Variants in PPP1R11 observed in about 807,000 individuals in gnomAD.
The protein encoded by PPP1R11 is E3 ubiquitin-protein ligase PPP1R11.
Under a neutral mutation model 11.3 loss-of-function variants are expected in PPP1R11, and 10 were observed. The observed-to-expected ratio is 0.88, with a 90% CI of 0.55 to 1.50. The LOEUF (loss-of-function observed/expected upper bound fraction) is 1.50, where lower values mean the gene tolerates loss of function less well. PPP1R11 is among the 40% of genes most tolerant of loss of function. PPP1R11 has a pLI of 0.00. For synonymous variants in PPP1R11, 56 were observed against 62.3 expected (o/e 0.90, Z 0.48); for missense variants, 114 against 179.1 (o/e 0.64, Z 2.07).
upstream of PPP1R11, chr6:30,064,564 T>A: frequency 1.0e-6 from 1 of 964,346 alleles, no homozygotes; most frequent in South Asian, 1.6e-5. Flanking sequence ...CAGTCCTCAA[T>A]GATGTCATAA....
chr6:30,065,736 TCCA>T (rs1254277161), upstream of PPP1R11, among the ~76,000 whole-genome samples: 1 of 152,026 alleles, frequency 6.6e-6, no homozygotes, highest in Non-Finnish European at 1.5e-5. This position sits in a 1 kb window ranked among gnomAD's most constrained non-coding sequence, Gnocchi z 5.3. Context: ...GGAATCCTAC[TCCA>T]CAGAGATAAC....
the PPP1R11 span, chr6:30,061,337 A>T: frequency 1.6e-6 from 1 of 615,976 alleles, no homozygotes; most frequent in Non-Finnish European, 2.8e-6. The surrounding 1 kb of genome is among the most constrained non-coding windows in gnomAD (Gnocchi z 5.0). Flanking sequence ...CAAGTCCTTT[A>T]GTACCCGACG....
chr6:30,069,402 T>TC lies in PPP1R11; in HGVS notation c.*96_*97insC. 1 of 1,004,068 alleles carries TC rather than the reference T, an allele frequency of 1.0e-6. No homozygotes were observed. The highest frequency in any genetic ancestry group is 1.6e-5 in the African/African-American group (1 of 61,488). 62.2% of individuals were successfully genotyped at this position (1,004,068 alleles called of 1,614,324 possible). ...CCCTCCTTCCCTCTCTTCTGCCTGATAGAGGGAAGAGGAAGAGGAGGACGA... is the reference window on the plus strand; with the variant it reads ...CCCTCCTTCCCTCTCTTCTGCCTGATCAGAGGGAAGAGGAAGAGGAGGACGA... On this transcript the variant is annotated 3_prime_UTR_variant, in exon 3 of 3. Coordinates refer to ENST00000376772, the MANE Select transcript of PPP1R11 (RefSeq NM_021959.3). The surrounding 1 kb of genome is among the most constrained non-coding windows in gnomAD (Gnocchi z 6.6).
chr6:30,064,810 G>A, upstream of PPP1R11: 1 of 877,798 alleles, frequency 1.1e-6, no homozygotes, highest in Non-Finnish European at 1.8e-6. Context: ...TCCCAGAAGA[G>A]AATCAGATCA....
the PPP1R11 span, chr6:30,061,494 A>T: frequency 1.5e-5 from 24 of 1,609,832 alleles, no homozygotes; most frequent in Non-Finnish European, 2.0e-5. The surrounding 1 kb of genome is among the most constrained non-coding windows in gnomAD (Gnocchi z 5.0). Flanking sequence ...TTTGTTAATA[A>T]ACTTCCAACT....
In PPP1R11 at chr6:30,067,381, C is replaced by T; in HGVS notation, c.-30C>T. On this transcript the variant is annotated 5_prime_UTR_variant, in exon 1 of 3. Transcript: ENST00000376772. ...AGGGAAGGGTGTCTCATCCCCCTTCCTCCTCTCCTCCCTGTCCTGAGCCTT... is the reference window on the plus strand; with the variant it reads ...AGGGAAGGGTGTCTCATCCCCCTTCTTCCTCTCCTCCCTGTCCTGAGCCTT... 1.9e-6 allele frequency: 3 copies of T among 1,605,544 alleles called. No individual in the cohort carries two copies. The highest frequency in any genetic ancestry group is 2.6e-6 in the Non-Finnish European group (3 of 1,172,568).
chr6:30,064,635 C>T (rs1765363123), upstream of PPP1R11: 3 of 1,592,038 alleles, frequency 1.9e-6, no homozygotes, highest in African/African-American at 2.7e-5. Flanking sequence ...AGAAACTCAT[C>T]TTTTGGTGAA....
chr6:30,067,585 G>A, intron 1 of PPP1R11, 106 bp downstream of exon 1: 1 of 1,370,548 alleles, frequency 7.3e-7, no homozygotes, highest in South Asian at 1.2e-5. Context: ...AGGGATATGG[G>A]AGGTGTGGGG....
At chr6:30,061,475 CTT>C in the PPP1R11 span, 2 of 1,602,064 alleles carry the variant, frequency 1.2e-6, no homozygotes, top group South Asian at 1.1e-5. This position sits in a 1 kb window ranked among gnomAD's most constrained non-coding sequence, Gnocchi z 5.0. Context: ...GACAGGAACT[CTT>C]CTCTCTTTTG....
At chr6:30,062,111 C>T, upstream of PPP1R11, 1 of 1,462,010 alleles carries the variant, frequency 6.8e-7, no homozygotes, top group Non-Finnish European at 9.6e-7. Context: ...GTGCCCAATT[C>T]CAAGAGGGAA....
rs1396724754 is a variant in PPP1R11 at position 30,069,742 on chromosome 6, C to A, written c.*436C>A. ...CTTGCTAATCCTGGTTTAGAGCTAT[C>A]CCACTAAAATATTTAATCCTAATTC... On this transcript the variant is annotated 3_prime_UTR_variant, in exon 3 of 3. Transcript: ENST00000376772. This position sits in a 1 kb window ranked among gnomAD's most constrained non-coding sequence, Gnocchi z 6.6. 1 of 175,550 alleles carries A rather than the reference C, an allele frequency of 5.7e-6. No individual in the cohort carries two copies. The highest frequency in any genetic ancestry group is 2.4e-5 in the African/African-American group (1 of 42,296). 10.9% of individuals were successfully genotyped at this position (175,550 alleles called of 1,614,324 possible).
chr6:30,064,699 C>T, upstream of PPP1R11: 1 of 1,608,112 alleles, frequency 6.2e-7, no homozygotes, highest in Non-Finnish European at 8.5e-7. Flanking sequence ...GACTCTTGAC[C>T]TTTTTCCTGG....
At chr6:30,066,126 CA>C (rs1765504862), upstream of PPP1R11, among the ~76,000 whole-genome samples, 2 of 152,180 alleles carry the variant, frequency 1.3e-5, no homozygotes, top group African/African-American at 4.8e-5. Flanking sequence ...AAATCTGAAA[CA>C]AACCTGTTCA....
Position 30,069,189 on chromosome 6 carries a change from A to G in PPP1R11, c.264A>G (p.Thr88=). 6.2e-7 allele frequency: 1 copy of G among 1,612,752 alleles called. No homozygotes were observed. The highest frequency in any genetic ancestry group is 8.5e-7 in the Non-Finnish European group (1 of 1,179,798). Reference sequence around the variant, plus strand: ...AGGAAGAAGAGGGCTGTGGTCATACACACTGTGTACGTGGCCACCGCAAAG... The same window carrying G: ...AGGAAGAAGAGGGCTGTGGTCATACGCACTGTGTACGTGGCCACCGCAAAG... ...DEEEEEGCGH[T]HCVRGHRKGR... is the part of the protein sequence containing the mutation. The change falls in exon 3 of 3, where the codon ACA becomes ACG. Residue 88 remains threonine, a synonymous_variant. Transcript: ENST00000376772. The surrounding 1 kb of genome is among the most constrained non-coding windows in gnomAD (Gnocchi z 6.6).
chr6:30,061,600 G>A, the PPP1R11 span: 11 of 1,613,054 alleles, frequency 6.8e-6, no homozygotes, highest in Middle Eastern at 4.9e-4. The surrounding 1 kb of genome is among the most constrained non-coding windows in gnomAD (Gnocchi z 5.0). Context: ...TTGCGGCTCG[G>A]TCCTGCCTCT....
At position 30,068,573 on chromosome 6, in the gene PPP1R11, C is replaced by A; in HGVS notation, c.70-17C>A. 3 of 1,603,592 alleles carry A rather than the reference C, an allele frequency of 1.9e-6. No individual in the cohort carries two copies. The highest frequency in any genetic ancestry group is 2.6e-6 in the Non-Finnish European group (3 of 1,173,192). ...TAAGAGGGGACTAGATAGGTATGCTCATCCTTAACCTTCTAGGAGAACCGG... is the reference window on the plus strand; with the variant it reads ...TAAGAGGGGACTAGATAGGTATGCTAATCCTTAACCTTCTAGGAGAACCGG... On this transcript the variant is annotated splice_polypyrimidine_tract_variant and intron_variant, in intron 1 of 2. Coordinates refer to ENST00000376772, the MANE Select transcript of PPP1R11 (RefSeq NM_021959.3).
rs1341467534 is a variant in PPP1R11 at position 30,069,938 on chromosome 6, C to G, written c.*632C>G. 6.6e-6 allele frequency: 1 copy of G among 152,174 alleles called. No homozygotes were observed. The highest frequency in any genetic ancestry group is 1.5e-5 in the Non-Finnish European group (1 of 68,062). The allele number at this position is 152,174 out of a possible 1,614,324, so 9.4% of individuals were successfully genotyped here. A position where few individuals can be genotyped will look rare whatever the true frequency, so the allele number is the denominator to read the frequency against. ...AAATAATCATATCCTTTCTTCCCAC[C>G]CTTCTCCTGTTATTTAGGATTTCTG... On this transcript the variant is annotated 3_prime_UTR_variant, in exon 3 of 3. Transcript: ENST00000376772. This position sits in a 1 kb window ranked among gnomAD's most constrained non-coding sequence, Gnocchi z 6.6.
At chr6:30,066,140 T>C (rs974647740), upstream of PPP1R11, among the ~76,000 whole-genome samples, 12 of 152,160 alleles carry the variant, frequency 7.9e-5, no homozygotes, top group African/African-American at 2.4e-4. Context: ...CCTGTTCATG[T>C]TTCTACCCTA....
At chr6:30,067,166 C>A, upstream of PPP1R11, 1 of 451,310 alleles carries the variant, frequency 2.2e-6, no homozygotes, top group Non-Finnish European at 4.0e-6. Flanking sequence ...CATTTGGTGC[C>A]GTGGAAGGGA....
Sources: gnomAD v4.1 joint callset for allele counts (sites outside exome capture counted in the v4.1 genomes callset) on GRCh38, gnomAD v4.1.1 for gene constraint, Gnocchi (gnomAD v3.1) non-coding constraint, MANE v1.5 for transcripts, NCBI Gene and HGNC (gene_info 2026-07-23, HGNC 2026-07-21) for gene names.